HSPG2: variants seen among roughly 807,000 people sequenced by gnomAD.
HSPG2 encodes heparan sulfate proteoglycan 2, also known as basement membrane-specific heparan sulfate proteoglycan core protein.
Under a neutral mutation model 526.6 loss-of-function variants are expected in HSPG2, and 278 were observed. The observed-to-expected ratio is 0.53, with a 90% CI of 0.48 to 0.58. The LOEUF (loss-of-function observed/expected upper bound fraction) is 0.58, where lower values mean the gene tolerates loss of function less well. Among genes scored for constraint, HSPG2 ranks in the 20% least tolerant of loss-of-function variants. The pLI is 0.00. For missense variants in HSPG2, 5,354 were observed against 6,099.5 expected, an observed-to-expected ratio of 0.88 and a Z score of 4.07; for synonymous variants, 2,465 against 2,555.4, an observed-to-expected ratio of 0.96 and a Z score of 1.07.
intron 74 of HSPG2, among the ~76,000 whole-genome samples, chr1:21,837,750 G>A (rs1235790765): frequency 2.6e-5 from 4 of 152,082 alleles, no homozygotes; most frequent in South Asian, 2.1e-4. Context: ...TGCCTACTGC[G>A]AGCCACAGTT....
chr1:21,863,365 T>C (rs890030030), intron 37 of HSPG2, among the ~76,000 whole-genome samples: 1 of 151,130 alleles, frequency 6.6e-6, no homozygotes, highest in Non-Finnish European at 1.5e-5. Flanking sequence ...GGAGCGAGAC[T>C]GTCTTGAAAA....
At chr1:21,926,819 C>G (rs180790038) in intron 1 of HSPG2, among the ~76,000 whole-genome samples, 1 of 146,896 alleles carries the variant, frequency 6.8e-6, no homozygotes, top group Non-Finnish European at 1.5e-5. Context: ...GTAGAGGCCA[C>G]TAGGGCTGGG....
At chr1:21,909,160 C>T (rs1643533880) in intron 1 of HSPG2, among the ~76,000 whole-genome samples, 1 of 152,178 alleles carries the variant, frequency 6.6e-6, no homozygotes, top group Non-Finnish European at 1.5e-5. Flanking sequence ...AGTCAGGCTG[C>T]AGAGACCCGC....
At position 21,876,669 on chromosome 1, in the gene HSPG2, G is replaced by A. The variant is rs1470502374; in HGVS notation, c.2686-17C>T. ...CACATTGTTCTGCAGGCACAGAGTTGGAGCTGAAGGACAGCCCATGGGAGA... is the reference window on the plus strand; with the variant it reads ...CACATTGTTCTGCAGGCACAGAGTTAGAGCTGAAGGACAGCCCATGGGAGA... On this transcript the variant is annotated splice_polypyrimidine_tract_variant and intron_variant, in intron 21 of 96. Transcript: ENST00000374695. 8.7e-6 allele frequency: 14 copies of A among 1,614,026 alleles called. No homozygotes were observed. The highest frequency in any genetic ancestry group is 3.3e-4 in the Middle Eastern group (2 of 6,082).
At chr1:21,853,897 A>C (rs1639121132) in intron 50 of HSPG2, 2 of 465,136 alleles carry the variant, frequency 4.3e-6, no homozygotes, top group Non-Finnish European at 7.8e-6. Flanking sequence ...AAGGTTGCTA[A>C]GGGGCAGATC....
Position 21,831,883 on chromosome 1 carries a change from AGAG to A in HSPG2, c.11208-90_11208-88del, listed in dbSNP as rs533181692. On this transcript the variant is annotated intron_variant, in intron 81 of 96. Transcript: ENST00000374695. Reference sequence around the variant, plus strand: ...GGGCCCAGTTGGGTAGAGGGGTCCCAGAGGAGGGATGTCACCACTTCCTGCAGT... The same window carrying A: ...GGGCCCAGTTGGGTAGAGGGGTCCCAGAGGGATGTCACCACTTCCTGCAGT... 2.3e-4 allele frequency: 314 copies of A among 1,394,992 alleles called. 1 individual carries two copies. Among genetic ancestry groups the A allele is most frequent in the African/African-American group, 1.3e-3 (94 of 69,976 alleles). The allele number at this position is 1,394,992 out of a possible 1,614,324, so 86.4% of individuals were successfully genotyped here.
chr1:21,889,008 C>T (rs2445141), intron 6 of HSPG2, among the ~76,000 whole-genome samples: 145,667 of 152,278 alleles, frequency 0.96, 70,036 homozygotes, highest in East Asian at 1. Flanking sequence ...TCACTGCAGC[C>T]TCAAACTCCT....
Position 21,872,158 on chromosome 1 carries a change from C to T in HSPG2, c.4221+28G>A, listed in dbSNP as rs1640700329. The T allele has an allele frequency of 3.2e-6, 5 of 1,550,936 alleles. No homozygotes were observed. Among genetic ancestry groups the T allele is most frequent in the Non-Finnish European group, 4.4e-6 (5 of 1,146,490 alleles). ...AGGTGAACTCATGTCTGAGTCACGG[C>T]TGACCCTGGTGCTTGGCTGGGGCCC... On this transcript the variant is annotated intron_variant, in intron 33 of 96. Transcript: ENST00000374695. The surrounding 1 kb of genome is among the most constrained non-coding windows in gnomAD (Gnocchi z 5.5).
chr1:21,876,363 T>G lies in HSPG2; in HGVS notation c.2869A>C (p.Asn957His), dbSNP rs62618730. Residue 957 changes from asparagine (N) to histidine (H), a missense_variant, in exon 23 of 97, where the codon AAC becomes CAC. Asn to His is a moderately conservative substitution (Grantham distance 68, BLOSUM62 1). Transcript: ENST00000374695. The part of the protein sequence containing the change: ...SEEPGHFSLT[N>H]AASTHTTNEG... Reference sequence around the variant, plus strand: ...TTGGTGGTGTGGGTGCTTGCGGCGTTGGTCAGGCTGAAGTGACCAGGCTCC... The same window carrying G: ...TTGGTGGTGTGGGTGCTTGCGGCGTGGGTCAGGCTGAAGTGACCAGGCTCC... The G allele has an allele frequency of 3.0e-3, 4,896 of 1,613,118 alleles. 112 individuals carry two copies. In the African/African-American group the frequency reaches 0.053, roughly 17 times the overall value.
chr1:21,856,352 A>C (rs1639338436), intron 44 of HSPG2, among the ~76,000 whole-genome samples: 1 of 151,894 alleles, frequency 6.6e-6, no homozygotes, highest in Non-Finnish European at 1.5e-5. Flanking sequence ...CTTAGGTGTC[A>C]CCTCCTCAGA....
chr1:21,908,647 C>A, intron 1 of HSPG2: 10 of 555,712 alleles, frequency 1.8e-5, no homozygotes, highest in Admixed American at 3.3e-5. Flanking sequence ...CTGTGATTAT[C>A]TTTGTTATTT....
chr1:21,918,224 G>A (rs181322596), intron 1 of HSPG2, among the ~76,000 whole-genome samples: 122 of 152,236 alleles, frequency 8.0e-4, no homozygotes, highest in Admixed American at 2.4e-3. Flanking sequence ...CAGCACTTTG[G>A]GAGGCCGAGG....
At chr1:21,881,027 C>A (rs531367267) in intron 14 of HSPG2, among the ~76,000 whole-genome samples, 192 bp from the exon 15 acceptor site, 17 of 152,302 alleles carry the variant, frequency 1.1e-4, no homozygotes, top group African/African-American at 3.1e-4. Context: ...GTGTTTGGTC[C>A]ATGGCAGGGT....
In HSPG2 at chr1:21,835,626, A is replaced by G. The variant is rs1391082073; in HGVS notation, c.10367T>C (p.Leu3456Ser). 3 of 1,613,252 alleles carry G rather than the reference A, an allele frequency of 1.9e-6. No individual in the cohort carries two copies. The highest frequency in any genetic ancestry group is 2.2e-5 in the South Asian group (2 of 91,044). Residue 3456 changes from leucine to serine, a missense_variant, in exon 76 of 97, where the codon TTG (leucine) becomes TCG (serine). Coordinates refer to ENST00000374695, the MANE Select transcript of HSPG2 (RefSeq NM_005529.7). ...ATACGTCCCTTGGCAGCTCTGGTCC[A>G]AGTTCTGGATTCTATAAAGAAAAAA... ...VQDGVLRIQN[L>S]DQSCQGTYIC...
chr1:21,869,673 C>G (rs1021053343), intron 33 of HSPG2: 17 of 985,966 alleles, frequency 1.7e-5, no homozygotes, highest in African/African-American at 3.5e-5. Context: ...CCTGGGGGAC[C>G]AGGAGCCGAA....
chr1:21,874,343 G>C, intron 28 of HSPG2, 63 bp downstream of exon 28: 1 of 1,600,896 alleles, frequency 6.2e-7, no homozygotes, highest in Non-Finnish European at 8.5e-7. Context: ...TGGATGAAGC[G>C]GGTGTGGGAG....
At position 21,823,708 on chromosome 1, in the gene HSPG2, C is replaced by G; in HGVS notation, c.12911G>C (p.Arg4304Thr). 4 of 1,613,478 alleles carry G rather than the reference C, an allele frequency of 2.5e-6. No individual in the cohort carries two copies. The highest frequency in any genetic ancestry group is 3.4e-6 in the Non-Finnish European group (4 of 1,179,918). Residue 4304 changes from arginine (R) to threonine (T), a missense_variant, in exon 96 of 97, where the codon AGA becomes ACA. Physicochemically the swap from Arg to Thr is moderately conservative, Grantham distance 71. Transcript: ENST00000374695. ...CTCACCGTCGACTTGGATGGAACCTCTGCGGCCCTCCCTGCAGTGGAACTG... is the reference window on the plus strand; with the variant it reads ...CTCACCGTCGACTTGGATGGAACCTGTGCGGCCCTCCCTGCAGTGGAACTG... ...HRVTALREGRRGSIQVDGEEL... is the reference protein window; with the variant it reads ...HRVTALREGRTGSIQVDGEEL...
chr1:21,909,385 C>T (rs560689221), intron 1 of HSPG2, among the ~76,000 whole-genome samples: 25 of 152,170 alleles, frequency 1.6e-4, no homozygotes, highest in Non-Finnish European at 3.1e-4. Context: ...TCCCAGAGAT[C>T]TAGGAAAGGG....
rs553950821 is a variant in HSPG2 at position 21,880,701 on chromosome 1, G to A, written c.1953C>T (p.Pro651=). The change falls in exon 15 of 97, where the codon CCC becomes CCT. Residue 651 remains proline, a synonymous_variant. Transcript: ENST00000374695. ...GCTGGTTCAGAGCACCAGGTTGGGT[G>A]GGTGTGTGGCCTCGGGAGAGGAGGC... ...GYRLLSRGHT[P]TQPGALNQRQ... 5.4e-5 allele frequency: 86 copies of A among 1,599,990 alleles called. No individual in the cohort carries two copies. The East Asian group carries it at 1.9e-3, about 36-fold the overall frequency.
Sources: gnomAD v4.1 joint callset for allele counts (sites outside exome capture counted in the v4.1 genomes callset) on GRCh38, gnomAD v4.1.1 for gene constraint, Gnocchi (gnomAD v3.1) non-coding constraint, MANE v1.5 for transcripts, NCBI Gene and HGNC (gene_info 2026-07-23, HGNC 2026-07-21) for gene names.